TRPM1: variants seen among roughly 807,000 people sequenced by gnomAD.
TRPM1 encodes the protein transient receptor potential cation channel subfamily M member 1, also known as TRPM1-203 APA Isoform, Intron 10.
TRPM1 carries 113 observed loss-of-function variants against 149.4 expected under a neutral mutation model. The ratio of observed to expected loss-of-function variants is 0.76; its 90% confidence interval spans 0.65 to 0.88. The LOEUF is 0.88. TRPM1 is among the 40% of genes least tolerant of loss of function. The probability of loss-of-function intolerance (pLI) is 0.00; values close to 1 mark genes in which losing one functional copy is unlikely to be tolerated. For synonymous variants in TRPM1, 741 were observed against 759.5 expected (o/e 0.98, Z 0.40); for missense variants, 1,976 against 2,038.7 (o/e 0.97, Z 0.59).
At chr15:31,139,601 T>C (rs369232371) in intron 1 of TRPM1, among the ~76,000 whole-genome samples, 4 of 152,356 alleles carry the variant, frequency 2.6e-5, no homozygotes, top group African/African-American at 9.6e-5. Context: ...CTAACCTCAA[T>C]GCCTTTTTGT....
chr15:31,138,824 A>G (rs2036123176), intron 1 of TRPM1, among the ~76,000 whole-genome samples: 1 of 152,222 alleles, frequency 6.6e-6, no homozygotes, highest in Non-Finnish European at 1.5e-5. Context: ...AAAGAAATTT[A>G]TATCTATGAA....
intron 12 of TRPM1, among the ~76,000 whole-genome samples, chr15:31,049,739 A>G (rs528032341): frequency 2.6e-5 from 4 of 152,316 alleles, no homozygotes; most frequent in African/African-American, 9.6e-5. Context: ...GTTTCCTTTT[A>G]AAAATAGATT....
intron 1 of TRPM1, among the ~76,000 whole-genome samples, chr15:31,118,821 T>A (rs2035837272): frequency 6.6e-6 from 1 of 152,164 alleles, no homozygotes; most frequent in Non-Finnish European, 1.5e-5. Flanking sequence ...AGGTTCTGTC[T>A]TCATGACCCA....
chr15:31,067,457 G>A (rs2034410727), intron 5 of TRPM1, among the ~76,000 whole-genome samples: 1 of 152,174 alleles, frequency 6.6e-6, no homozygotes, highest in South Asian at 2.1e-4. Context: ...GCCTAAAGCT[G>A]GAAATAACTG....
At chr15:31,152,022 G>A (rs886948450) in intron 1 of TRPM1, among the ~76,000 whole-genome samples, 5 of 152,200 alleles carry the variant, frequency 3.3e-5, no homozygotes, top group Admixed American at 1.3e-4. Flanking sequence ...CTCTAGAGAG[G>A]GGGCTGGACA....
intron 2 of TRPM1, among the ~76,000 whole-genome samples, chr15:31,079,817 A>G (rs1042862113): frequency 1.3e-5 from 2 of 152,216 alleles, no homozygotes; most frequent in East Asian, 1.9e-4. Flanking sequence ...TCATGCTCCA[A>G]TACTGGTTTC....
At chr15:31,029,349 A>G (rs1463502663) in intron 24 of TRPM1, 22 bp downstream of exon 24, 21 of 1,611,224 alleles carry the variant, frequency 1.3e-5, no homozygotes, top group African/African-American at 2.7e-5. Flanking sequence ...AGACTAGAAT[A>G]ATCAATTCCA....
chr15:31,065,996 G>A, intron 7 of TRPM1, 80 bp downstream of exon 7: 1 of 1,519,210 alleles, frequency 6.6e-7, no homozygotes, highest in East Asian at 2.3e-5. Flanking sequence ...ATCCCCTTGG[G>A]CAATCAATCT....
In TRPM1 at chr15:31,131,219, G is replaced by A. The variant is rs535651881; in HGVS notation, c.54+29687C>T. Among the ~76,000 whole-genome samples the A allele has an allele frequency of 1.1e-4, 16 of 151,130 alleles. No individual in the cohort carries two copies. In the South Asian group the frequency reaches 1.9e-3, roughly 18 times the overall value. On this transcript the variant is annotated intron_variant, in intron 1 of 26. Coordinates refer to the TRPM1 transcript ENST00000542188. ...ATCAGCCACTTAGAGCGACTGTTGC[G>A]GCAGCACAGTGCTTGTGTTCAGGTC...
rs752540031 is a variant in TRPM1 at position 31,031,152 on chromosome 15, G to A, written c.2958C>T (p.Ile986=). ...TGATGACCACAAAGTACAGCATGTC[G>A]ATCATCTGAGTAAGGAGAACATTTG... The part of the protein sequence containing the change: ...PYVMMIGKMM[I]DMLYFVVIML... The change falls in exon 23 of 28, where the codon ATC becomes ATT. Residue 986 remains isoleucine, a synonymous_variant. Transcript: ENST00000256552. 8.1e-6 allele frequency: 13 copies of A among 1,614,042 alleles called. No individual in the cohort carries two copies. The highest frequency in any genetic ancestry group is 6.7e-5 in the African/African-American group (5 of 74,908).
chr15:31,124,032 C>A (rs1362776952), intron 1 of TRPM1, among the ~76,000 whole-genome samples: 1 of 152,152 alleles, frequency 6.6e-6, no homozygotes, highest in Non-Finnish European at 1.5e-5. Context: ...GGTGTGGTAC[C>A]CAGTACTTTG....
chr15:31,113,107 G>C (rs948836171), intron 1 of TRPM1, among the ~76,000 whole-genome samples: 3 of 152,144 alleles, frequency 2.0e-5, no homozygotes, highest in Non-Finnish European at 2.9e-5. Context: ...CTGCTGTCTT[G>C]GCTTTAGGTA....
At chr15:31,083,187 C>T (rs965688805) in intron 1 of TRPM1, among the ~76,000 whole-genome samples, 6 of 152,198 alleles carry the variant, frequency 3.9e-5, no homozygotes, top group African/African-American at 1.2e-4. Flanking sequence ...AATTAACAAG[C>T]AAACCCCGCA....
chr15:31,102,710 G>A (rs569759112), upstream of TRPM1, among the ~76,000 whole-genome samples: 4 of 152,320 alleles, frequency 2.6e-5, no homozygotes, highest in East Asian at 1.9e-4. Flanking sequence ...AACTTCTGAC[G>A]GAAGCACATG....
At chr15:31,117,058 T>C (rs1474118318) in intron 1 of TRPM1, among the ~76,000 whole-genome samples, 1 of 152,178 alleles carries the variant, frequency 6.6e-6, no homozygotes, top group Non-Finnish European at 1.5e-5. Context: ...ATTAATATAC[T>C]AAGGGTTCTG....
chr15:31,127,498 A>G (rs540802038), intron 1 of TRPM1, among the ~76,000 whole-genome samples: 125 of 152,350 alleles, frequency 8.2e-4, no homozygotes, highest in African/African-American at 2.9e-3. Flanking sequence ...ATGTGGTGAA[A>G]GTGGGAAGGT....
In TRPM1 at chr15:31,062,560, A is replaced by G; in HGVS notation, c.1089+19T>C. Reference sequence around the variant, plus strand: ...TTCTCTCCACAGAGCTTGTTTGGAAATAAATTCAAGACACTTACGAGTTCT... The same window carrying G: ...TTCTCTCCACAGAGCTTGTTTGGAAGTAAATTCAAGACACTTACGAGTTCT... On this transcript the variant is annotated intron_variant, in intron 9 of 27. Transcript: ENST00000256552. 2 of 1,613,930 alleles carry G rather than the reference A, an allele frequency of 1.2e-6. No individual in the cohort carries two copies. The highest frequency in any genetic ancestry group is 1.7e-6 in the Non-Finnish European group (2 of 1,179,994).
At chr15:31,020,609 G>C (rs778227208) in intron 27 of TRPM1, among the ~76,000 whole-genome samples, 2 of 152,222 alleles carry the variant, frequency 1.3e-5, no homozygotes, top group Non-Finnish European at 2.9e-5. Context: ...GAACTCACTT[G>C]ACTTGAATCC....
At chr15:31,057,129 T>C (rs137957465) in intron 11 of TRPM1, among the ~76,000 whole-genome samples, 1 of 151,946 alleles carries the variant, frequency 6.6e-6, no homozygotes, top group African/African-American at 2.4e-5. Context: ...AAGATGGGGG[T>C]AGGAACTCAT....
Sources: allele counts gnomAD v4.1 joint callset (sites outside exome capture counted in the v4.1 genomes callset), GRCh38; gene constraint gnomAD v4.1.1; transcripts MANE v1.5; gene names NCBI Gene and HGNC (gene_info 2026-07-23, HGNC 2026-07-21).